Variants in KCNMA1 observed in about 807,000 individuals in gnomAD.
KCNMA1 encodes potassium calcium-activated channel subfamily M alpha 1.
A neutral mutation model predicts 140.0 loss-of-function variants in KCNMA1; 29 were observed. The observed-to-expected ratio is 0.21, with a 90% confidence interval of 0.15 to 0.28. KCNMA1 has a LOEUF of 0.28. KCNMA1 is among the 10% of genes least tolerant of loss of function. The pLI, the probability that KCNMA1 is intolerant of heterozygous loss-of-function variation, is 1.00. For missense variants in KCNMA1, 880 were observed against 1,602.2 expected (o/e 0.55, Z 7.70); for synonymous variants, 612 against 611.9 (o/e 1.00, Z 0.00).
At chr10:77,408,861 G>A (rs1052818161) in intron 1 of KCNMA1, among the ~76,000 whole-genome samples, 2 of 152,140 alleles carry the variant, frequency 1.3e-5, no homozygotes, top group South Asian at 2.1e-4. Context: ...CTCCCCACTA[G>A]AGCCTTGTGT....
intron 5 of KCNMA1, among the ~76,000 whole-genome samples, chr10:77,173,005 C>T (rs1444078822): frequency 1.3e-5 from 2 of 152,092 alleles, no homozygotes; most frequent in Non-Finnish European, 2.9e-5. Flanking sequence ...TAATCATCTC[C>T]CAGAGGCCCC....
chr10:76,906,206 A>AAGT (rs10684559), intron 25 of KCNMA1, among the ~76,000 whole-genome samples: 17,060 of 152,144 alleles, frequency 0.11, 3,057 homozygotes, highest in African/African-American at 0.38. Context: ...GGTTGGGAGA[A>AAGT]AGTGATAGCT....
chr10:76,889,919 C>T (rs947513579), intron 26 of KCNMA1, among the ~76,000 whole-genome samples: 3 of 152,150 alleles, frequency 2.0e-5, no homozygotes, highest in Admixed American at 6.5e-5. Context: ...AGGAGATGAA[C>T]CCTTCTCTGC....
At chr10:77,431,680 GTAAAA>G (rs2097155024) in intron 1 of KCNMA1, among the ~76,000 whole-genome samples, 1 of 70,168 alleles carries the variant, frequency 1.4e-5, no homozygotes, top group East Asian at 5.4e-4. Context: ...CTGGTCTGTT[GTAAAA>G]AAAAAAAAAA....
intron 2 of KCNMA1, among the ~76,000 whole-genome samples, chr10:77,355,934 C>CA (rs371939293): frequency 1.2e-3 from 188 of 152,286 alleles, no homozygotes; most frequent in African/African-American, 2.0e-3. Flanking sequence ...AGTGAAAAAA[C>CA]GACCCCCTGT....
At chr10:76,919,880 C>T (rs1400057600) in intron 23 of KCNMA1, among the ~76,000 whole-genome samples, 4 of 150,948 alleles carry the variant, frequency 2.6e-5, no homozygotes, top group African/African-American at 9.7e-5. Context: ...GATCACTTCC[C>T]CTTCCCTATG....
intron 6 of KCNMA1, among the ~76,000 whole-genome samples, chr10:77,117,539 C>CAAAAAAAAAAAAAAAAAAAAAAAAAA (rs56926398): frequency 8.4e-4 from 19 of 22,508 alleles, no homozygotes; most frequent in East Asian, 1.6e-3. Flanking sequence ...GAGTCTATCT[C>CAAAAAAAAAAAAAAAAAAAAAAAAAA]AAAAAAAAAA....
At chr10:77,316,751 A>G (rs2080995011) in intron 2 of KCNMA1, among the ~76,000 whole-genome samples, 1 of 152,224 alleles carries the variant, frequency 6.6e-6, no homozygotes, top group Non-Finnish European at 1.5e-5. Flanking sequence ...CAAAGCACCA[A>G]GAGGATCTTT....
chr10:76,896,780 A>T (rs2042687149), intron 25 of KCNMA1, among the ~76,000 whole-genome samples: 1 of 152,064 alleles, frequency 6.6e-6, no homozygotes, highest in African/African-American at 2.4e-5. Context: ...AGGATAACTA[A>T]AATACAAAGT....
chr10:77,265,800 G>T (rs1166196901), intron 2 of KCNMA1, among the ~76,000 whole-genome samples: 1 of 152,140 alleles, frequency 6.6e-6, no homozygotes, highest in Non-Finnish European at 1.5e-5. Flanking sequence ...ATAGGCTTAG[G>T]CTGGGTGCTG....
At chr10:77,479,226 G>A (rs1296849683) in intron 1 of KCNMA1, among the ~76,000 whole-genome samples, 2 of 152,230 alleles carry the variant, frequency 1.3e-5, no homozygotes, top group Non-Finnish European at 2.9e-5. Context: ...AAGAGACAGA[G>A]ATCATTTCTC....
chr10:77,539,100 A>T (rs2059587872), intron 1 of KCNMA1, among the ~76,000 whole-genome samples: 3 of 152,270 alleles, frequency 2.0e-5, no homozygotes, highest in African/African-American at 7.2e-5. Context: ...TCTGAGACTT[A>T]CACCATTCAT....
chr10:76,943,191 C>T lies in KCNMA1; in HGVS notation c.2902+1582G>A, dbSNP rs185088486. Among the ~76,000 whole-genome samples the T allele has an allele frequency of 2.4e-4, 36 of 152,318 alleles. No homozygotes were observed. The East Asian group carries it at 5.6e-3, about 24-fold the overall frequency. On this transcript the variant is annotated intron_variant, in intron 23 of 27. Transcript: ENST00000286628. ...TCTCGCCTGTGCTACCCGGGCAGGC[C>T]GCACAGGATGCGGGCTCTACCTCTT...
At chr10:76,883,270 A>C (rs2151557973), downstream of KCNMA1, among the ~76,000 whole-genome samples, 1 of 152,366 alleles carries the variant, frequency 6.6e-6, no homozygotes, top group South Asian at 2.1e-4. Flanking sequence ...GGACAAGGGT[A>C]ATATAGAAAA....
At chr10:77,344,337 A>G (rs115282658) in intron 2 of KCNMA1, among the ~76,000 whole-genome samples, 135 of 152,308 alleles carry the variant, frequency 8.9e-4, no homozygotes, top group African/African-American at 3.1e-3. Flanking sequence ...CTTAATTTCA[A>G]TTCATTGAGA....
chr10:77,325,752 C>A (rs1203496994), intron 2 of KCNMA1, among the ~76,000 whole-genome samples: 2 of 152,130 alleles, frequency 1.3e-5, no homozygotes, highest in African/African-American at 4.8e-5. Context: ...CCTCTGCTGC[C>A]CCAACAGGTC....
rs2095977762 is a variant in KCNMA1, at chr10:77,066,979, C to T, written c.1749+6118G>A. On this transcript the variant is annotated intron_variant, in intron 14 of 27. Transcript: ENST00000286628. ...TTGAGTTCTGCTTCTGGTATGCCTC[C>T]TTCAACCTGGTTAGCAGAGCTTACA... Among the ~76,000 whole-genome samples, 6 of 152,150 alleles carry T rather than the reference C, an allele frequency of 3.9e-5. No individual in the cohort carries two copies. The South Asian group carries it at 1.2e-3, about 32-fold the overall frequency.
At chr10:77,361,281 T>C (rs1396797789) in intron 2 of KCNMA1, among the ~76,000 whole-genome samples, 3 of 152,162 alleles carry the variant, frequency 2.0e-5, no homozygotes, top group Non-Finnish European at 4.4e-5. Flanking sequence ...GGCAGACAAA[T>C]CTCAGACCAG....
At chr10:77,347,663 T>C (rs1377573189) in intron 2 of KCNMA1, among the ~76,000 whole-genome samples, 5 of 152,128 alleles carry the variant, frequency 3.3e-5, no homozygotes, top group South Asian at 2.1e-4. Context: ...TGTAAGACTA[T>C]TGGGAATAAA....
Sources: gnomAD v4.1 joint callset for allele counts (sites outside exome capture counted in the v4.1 genomes callset) on GRCh38, gnomAD v4.1.1 for gene constraint, MANE v1.5 for transcripts, NCBI Gene and HGNC (gene_info 2026-07-23, HGNC 2026-07-21) for gene names.